The following ZNF614 variants were observed in gnomAD, a reference collection of about 807,000 sequenced individuals.
The protein encoded by ZNF614 is zinc finger protein 614.
Under a neutral mutation model 12.8 loss-of-function variants are expected in ZNF614, and 11 were observed. The ratio of observed to expected loss-of-function variants is 0.86; its 90% confidence interval spans 0.54 to 1.43. ZNF614 has a LOEUF of 1.43. Among genes scored for constraint, ZNF614 ranks in the 40% most tolerant of loss-of-function variants. The probability of loss-of-function intolerance (pLI) is 0.00; values close to 1 mark genes in which losing one functional copy is unlikely to be tolerated. For synonymous variants in ZNF614, 237 were observed against 237.5 expected (o/e 1.00, Z 0.02); for missense variants, 664 against 708.8 (o/e 0.94, Z 0.72).
At chr19:52,025,590 T>G in intron 2 of ZNF614, 141 bp downstream of exon 2, 1 of 929,338 alleles carries the variant, frequency 1.1e-6, no homozygotes, top group Non-Finnish European at 1.7e-6. Flanking sequence ...TAAGGCAGAA[T>G]GAACCCCCAC....
intron 2 of ZNF614, among the ~76,000 whole-genome samples, chr19:52,018,854 G>C (rs1466052181): frequency 6.6e-6 from 1 of 152,112 alleles, no homozygotes; most frequent in Non-Finnish European, 1.5e-5. Flanking sequence ...CCCTAAAGTT[G>C]ATTAGATTTT....
intron 1 of ZNF614, among the ~76,000 whole-genome samples, chr19:52,026,920 C>T (rs1215929709): frequency 6.6e-6 from 1 of 152,202 alleles, no homozygotes; most frequent in Non-Finnish European, 1.5e-5. Context: ...CACATGTTTT[C>T]CTGCTGACCC....
chr19:52,024,299 T>C (rs1455014558), intron 2 of ZNF614, among the ~76,000 whole-genome samples: 2 of 152,174 alleles, frequency 1.3e-5, no homozygotes, highest in East Asian at 3.8e-4. Flanking sequence ...CAAAAGAACT[T>C]GTGAGTAACC....
In ZNF614 at chr19:52,017,088, A is replaced by G; in HGVS notation, c.510T>C (p.His170=). 2 of 1,614,208 alleles carry G rather than the reference A, an allele frequency of 1.2e-6. No homozygotes were observed. The highest frequency in any genetic ancestry group is 1.7e-6 in the Non-Finnish European group (2 of 1,180,034). The change falls in exon 5 of 5, where the codon CAT becomes CAC. Residue 170 remains histidine (H), a synonymous_variant. Coordinates refer to ENST00000270649, the MANE Select transcript of ZNF614 (RefSeq NM_025040.4). ...ATCTAGTTTTAGTATGCGTACGTTC[A>G]TGCTTACCATGTAGAAGTGTTTTCT... The part of the protein sequence containing the change: ...GGEKTLLHGK[H]ERTHTKTRFS...
chr19:52,018,592 T>C (rs556769737), intron 2 of ZNF614, 98 bp from the exon 3 acceptor site: 1 of 1,246,698 alleles, frequency 8.0e-7, no homozygotes. Context: ...ACAGCCTGCA[T>C]CTATATTCCT....
chr19:52,015,857 G>A lies in ZNF614; in HGVS notation c.1741C>T (p.Leu581Phe), dbSNP rs2086892550. Residue 581 changes from leucine to phenylalanine, a missense_variant, in exon 5 of 5, where the codon CTC (leucine) becomes TTC (phenylalanine). Coordinates refer to ENST00000270649, the MANE Select transcript of ZNF614 (RefSeq NM_025040.4). ...GCATGAGTTCACTTATAAGGAAGGAGCTGTGACTCTCCATTACAGGAGTTT... is the reference window on the plus strand; with the variant it reads ...GCATGAGTTCACTTATAAGGAAGGAACTGTGACTCTCCATTACAGGAGTTT... ...VENSCNGESQ[L>F]LPYK 5.0e-6 allele frequency: 8 copies of A among 1,611,814 alleles called. No individual in the cohort carries two copies. Among genetic ancestry groups the A allele is most frequent in the Non-Finnish European group, 6.8e-6 (8 of 1,178,716 alleles).
intron 4 of ZNF614, 22 bp from the exon 5 acceptor site, chr19:52,017,381 A>C: frequency 6.4e-7 from 1 of 1,562,018 alleles, no homozygotes; most frequent in Non-Finnish European, 8.6e-7. Flanking sequence ...CAGAGTAACA[A>C]ATTCTTCCAT....
chr19:52,026,419 G>A (rs2086973093), intron 1 of ZNF614, among the ~76,000 whole-genome samples: 1 of 152,224 alleles, frequency 6.6e-6, no homozygotes, highest in Admixed American at 6.5e-5. Context: ...GATGTGCTTT[G>A]TTAAAAACGT....
Position 52,017,350 on chromosome 19 carries a change from T to C in ZNF614, c.248A>G (p.Lys83Arg). ...GTGCTCTTGCAGATGACTGTCAACT[T>C]TCCCGATTCCTAAGAAAGAACAGAG... ...IQNKNCPGIG[K>R]VDSHLQEHSP... The change falls in exon 5 of 5, where the codon AAA becomes AGA. Residue 83 changes from lysine to arginine, a missense_variant. By Grantham distance (26) the Lys-to-Arg change is conservative. Transcript: ENST00000270649. 1 of 1,592,332 alleles carries C rather than the reference T, an allele frequency of 6.3e-7. No individual in the cohort carries two copies.
intron 2 of ZNF614, among the ~76,000 whole-genome samples, chr19:52,021,174 C>T (rs1024336991): frequency 6.6e-6 from 1 of 152,164 alleles, no homozygotes; most frequent in South Asian, 2.1e-4. Flanking sequence ...ACTAAACTAC[C>T]TCATTTCTCA....
rs2086884758 is a variant in ZNF614, at chr19:52,014,480, CT to C, written c.*1359del. The C allele has an allele frequency of 6.6e-6, 1 of 152,154 alleles. No homozygotes were observed. Among genetic ancestry groups the C allele is most frequent in the Non-Finnish European group, 1.5e-5 (1 of 68,044 alleles). 9.4% of individuals were successfully genotyped at this position (152,154 alleles called of 1,614,324 possible). ...TGATAAATTCCGAGTTCCCACTGCC[CT>C]ACTCAGGTTTGATAATTTGCTACAG... On this transcript the variant is annotated 3_prime_UTR_variant, in exon 5 of 5. Coordinates refer to ENST00000270649, the MANE Select transcript of ZNF614 (RefSeq NM_025040.4).
At position 52,018,094 on chromosome 19, in the gene ZNF614, G is replaced by C. The variant is rs911694773; in HGVS notation, c.152C>G (p.Thr51Ser). The C allele has an allele frequency of 3.1e-6, 5 of 1,613,770 alleles. No homozygotes were observed. In the Admixed American group the frequency reaches 5.0e-5, roughly 16 times the overall value. ...CTTGGAGAGTACATCTGGTTTGCTA[G>C]TTTGATACCCTGTTCATGAGGAAAG... is the stretch of plus-strand genomic sequence containing the variant. ...YNHLVSLGYQ[T>S]SKPDVLSKLA... Residue 51 changes from threonine (T) to serine (S), a missense_variant, in exon 4 of 5, where the codon ACT (threonine) becomes AGT (serine). Thr to Ser is a moderately conservative substitution (Grantham distance 58). Coordinates refer to ENST00000270649, the MANE Select transcript of ZNF614 (RefSeq NM_025040.4).
In ZNF614 at chr19:52,018,393, C is replaced by G; in HGVS notation, c.117G>C (p.Glu39Asp). 1 of 1,614,074 alleles carries G rather than the reference C, an allele frequency of 6.2e-7. No individual in the cohort carries two copies. Among genetic ancestry groups the G allele is most frequent in the Non-Finnish European group, 8.5e-7 (1 of 1,180,000 alleles). Reference protein sequence around the residue: ...QKNLYRDVMVENYNHLVSLGY... With the variant: ...QKNLYRDVMVDNYNHLVSLGY... ...CCAGTGATACTAGGTGGTTATAGTT[C>G]TCCACCATCACATCCCGGTACAGGT... Residue 39 changes from glutamate (E) to aspartate (D), a missense_variant, in exon 3 of 5, where the codon GAG (glutamate) becomes GAC (aspartate). By Grantham distance (45) the Glu-to-Asp change is conservative. Coordinates refer to ENST00000270649, the MANE Select transcript of ZNF614 (RefSeq NM_025040.4).
intron 4 of ZNF614, 200 bp from the exon 5 acceptor site, chr19:52,017,559 G>T: frequency 2.0e-6 from 1 of 511,594 alleles, no homozygotes; most frequent in Non-Finnish European, 3.4e-6. Flanking sequence ...AAATTAGCCG[G>T]GCGTGGTGGC....
At chr19:52,019,999 G>GGGTAAGT (rs2086923821) in intron 2 of ZNF614, among the ~76,000 whole-genome samples, 2 of 152,176 alleles carry the variant, frequency 1.3e-5, no homozygotes, top group Admixed American at 1.3e-4. Flanking sequence ...TCTATCGACT[G>GGGTAAGT]GGTAAGTGTA....
chr19:52,016,859 T>A lies in ZNF614; in HGVS notation c.739A>T (p.Thr247Ser), dbSNP rs1441544754. The change falls in exon 5 of 5, where the codon ACT becomes TCT. Residue 247 changes from threonine to serine, a missense_variant. By Grantham distance (58) the Thr-to-Ser change is moderately conservative. Coordinates refer to ENST00000270649, the MANE Select transcript of ZNF614 (RefSeq NM_025040.4). ...GTTGTATTAGTTTTCAGATGCTTAGTGAACAGGACACTTCTGGATAATTTC... is the reference window on the plus strand; with the variant it reads ...GTTGTATTAGTTTTCAGATGCTTAGAGAACAGGACACTTCTGGATAATTTC... The part of the protein sequence containing the change: ...CEKLSRSVLF[T>S]KHLKTNTTDK... 1 of 1,614,178 alleles carries A rather than the reference T, an allele frequency of 6.2e-7. No individual in the cohort carries two copies. Among genetic ancestry groups the A allele is most frequent in the East Asian group, 2.2e-5 (1 of 44,874 alleles).
Position 52,017,103 on chromosome 19 carries a change from A to G in ZNF614, c.495T>C (p.Leu165=), listed in dbSNP as rs778939523. The G allele has an allele frequency of 1.2e-6, 2 of 1,614,172 alleles. No individual in the cohort carries two copies. ...PVEFIGGEKT[L]LHGKHERTHT... ...GCGTACGTTCATGCTTACCATGTAG[A>G]AGTGTTTTCTCACCTCCAATAAACT... Residue 165 remains leucine (L), a synonymous_variant, in exon 5 of 5, where the codon CTT becomes CTC. Coordinates refer to ENST00000270649, the MANE Select transcript of ZNF614 (RefSeq NM_025040.4).
chr19:52,025,320 CT>C (rs903848295), intron 2 of ZNF614, among the ~76,000 whole-genome samples: 5 of 151,900 alleles, frequency 3.3e-5, no homozygotes, highest in African/African-American at 9.7e-5. Flanking sequence ...ATTGAGTCTA[CT>C]TTTTTTTCCT....
intron 2 of ZNF614, among the ~76,000 whole-genome samples, chr19:52,024,905 T>C (rs2086961358): frequency 6.6e-6 from 1 of 152,176 alleles, no homozygotes; most frequent in African/African-American, 2.4e-5. Context: ...CACCGGGGGA[T>C]ACCCGTAAAG....
Sources: allele counts gnomAD v4.1 joint callset (sites outside exome capture counted in the v4.1 genomes callset), GRCh38; gene constraint gnomAD v4.1.1; transcripts MANE v1.5; gene names NCBI Gene and HGNC (gene_info 2026-07-23, HGNC 2026-07-21).